Variants in NEDD9 observed in about 807,000 individuals in gnomAD.
The protein encoded by NEDD9 is enhancer of filamentation 1.
In NEDD9, 26 loss-of-function variants were observed where a neutral mutation model predicts 76.6. The ratio of observed to expected loss-of-function variants is 0.34; its 90% CI spans 0.25 to 0.47. The LOEUF is 0.47. NEDD9 is among the 20% of genes least tolerant of loss of function. The probability of loss-of-function intolerance (pLI) is 1.00; values close to 1 mark genes in which losing one functional copy is unlikely to be tolerated. For missense variants in NEDD9, 937 were observed against 1,058.5 expected (o/e 0.89, Z 1.59); for synonymous variants, 392 against 414.2 (o/e 0.95, Z 0.65).
At chr6:11,290,561 G>C (rs1459667131) in intron 3 of NEDD9, among the ~76,000 whole-genome samples, 2 of 152,168 alleles carry the variant, frequency 1.3e-5, no homozygotes, top group African/African-American at 4.8e-5. Context: ...CATTGCCCTG[G>C]AACTGCGGGT....
intron 3 of NEDD9, among the ~76,000 whole-genome samples, chr6:11,247,673 T>C (rs923857549): frequency 5.9e-5 from 9 of 152,186 alleles, no homozygotes; most frequent in Non-Finnish European, 1.2e-4. Flanking sequence ...ATAACTGACT[T>C]CATGCATTTT....
At chr6:11,262,112 TGACTTGCAAAG>T (rs1195517861) in intron 3 of NEDD9, among the ~76,000 whole-genome samples, 1 of 152,202 alleles carries the variant, frequency 6.6e-6, no homozygotes. Flanking sequence ...TGCCCGGACC[TGACTTGCAAAG>T]GGCTGTGGTT....
At chr6:11,229,316 C>T (rs1759397750) in intron 1 of NEDD9, among the ~76,000 whole-genome samples, 1 of 152,230 alleles carries the variant, frequency 6.6e-6, no homozygotes. Flanking sequence ...TTGGCAAAGC[C>T]ACAAAAGCGT....
intron 1 of NEDD9, among the ~76,000 whole-genome samples, chr6:11,343,662 C>A (rs969205653): frequency 6.6e-6 from 1 of 152,090 alleles, no homozygotes; most frequent in Non-Finnish European, 1.5e-5. Context: ...AATGCATGCT[C>A]AATAAATTTA....
upstream of NEDD9, chr6:11,233,160 C>T (rs1561800622): frequency 1.4e-5 from 7 of 501,300 alleles, no homozygotes; most frequent in South Asian, 1.0e-4. Flanking sequence ...TCTCTCTGTC[C>T]CTTTTTCTTT....
chr6:11,190,464 C>T lies in NEDD9; in HGVS notation c.1405G>A (p.Ala469Thr). The change falls in exon 5 of 7, where the codon GCT (alanine) becomes ACT (threonine). Residue 469 changes from alanine (A) to threonine (T), a missense_variant. Coordinates refer to ENST00000379446, the MANE Select transcript of NEDD9 (RefSeq NM_006403.4). This position sits in a 1 kb window ranked among gnomAD's most constrained non-coding sequence, Gnocchi z 5.8. ...LKEYLHFVKG[A>T]VANAACLPEL... ...GGGAGGCAGGCAGCATTTGCAACAG[C>T]TCCCTTGACAAAGTGGAGGTACTCC... is the stretch of plus-strand genomic sequence containing the variant. 6.2e-7 allele frequency: 1 copy of T among 1,614,190 alleles called. No individual in the cohort carries two copies. The highest frequency in any genetic ancestry group is 8.5e-7 in the Non-Finnish European group (1 of 1,180,032).
At chr6:11,328,120 C>T (rs1340521006) in intron 2 of NEDD9, among the ~76,000 whole-genome samples, 6 of 152,192 alleles carry the variant, frequency 3.9e-5, no homozygotes, top group African/African-American at 7.2e-5. Context: ...TGGCAATAAG[C>T]TTGCAATGTG....
intron 2 of NEDD9, among the ~76,000 whole-genome samples, chr6:11,327,505 C>T (rs182285485): frequency 1.3e-5 from 2 of 152,336 alleles, no homozygotes; most frequent in African/African-American, 4.8e-5. Flanking sequence ...GAGTCCCCTC[C>T]AGTATCTTCA....
chr6:11,286,019 G>A (rs1333897004), intron 3 of NEDD9, among the ~76,000 whole-genome samples: 2 of 152,116 alleles, frequency 1.3e-5, no homozygotes, highest in Non-Finnish European at 2.9e-5. Context: ...AAAAACACCT[G>A]CTCTTCTAAA....
chr6:11,305,128 T>C, intron 3 of NEDD9: 2 of 1,289,296 alleles, frequency 1.6e-6, no homozygotes, highest in Non-Finnish European at 2.0e-6. Context: ...GCCCAGAGCT[T>C]TTTTATTTGT....
At chr6:11,304,778 G>A (rs572907035) in intron 3 of NEDD9, among the ~76,000 whole-genome samples, 2 of 152,306 alleles carry the variant, frequency 1.3e-5, no homozygotes, top group African/African-American at 2.4e-5. Flanking sequence ...GACACAGGGT[G>A]GGGAACCTCA....
intron 2 of NEDD9, among the ~76,000 whole-genome samples, chr6:11,315,879 G>A (rs933115586): frequency 2.0e-5 from 3 of 152,182 alleles, no homozygotes; most frequent in African/African-American, 7.2e-5. Context: ...AAACAGCAAG[G>A]TATTCCAAAC....
intron 1 of NEDD9, among the ~76,000 whole-genome samples, chr6:11,336,720 GC>G (rs1461254035): frequency 1.3e-5 from 2 of 152,150 alleles, no homozygotes; most frequent in Non-Finnish European, 2.9e-5. Flanking sequence ...ATTACCCTTA[GC>G]TTACTATAAC....
intron 3 of NEDD9, among the ~76,000 whole-genome samples, chr6:11,303,712 G>A (rs1470263241): frequency 6.6e-6 from 1 of 152,152 alleles, no homozygotes; most frequent in African/African-American, 2.4e-5. Context: ...AATATTGAAA[G>A]GGTTCCCTAT....
chr6:11,200,204 C>T (rs1758408291), intron 2 of NEDD9: 3 of 428,414 alleles, frequency 7.0e-6, no homozygotes, highest in Non-Finnish European at 1.4e-5. Context: ...CCCCAAACCA[C>T]CCCCGACTTT....
chr6:11,235,301 C>T (rs1759576138), upstream of NEDD9, among the ~76,000 whole-genome samples: 1 of 151,884 alleles, frequency 6.6e-6, no homozygotes, highest in African/African-American at 2.4e-5. The surrounding 1 kb of genome is among the most constrained non-coding windows in gnomAD (Gnocchi z 4.1). Flanking sequence ...TATTAGACTA[C>T]TGTTGATAAG....
intron 3 of NEDD9, among the ~76,000 whole-genome samples, chr6:11,295,171 T>G (rs1214321262): frequency 6.6e-6 from 1 of 152,220 alleles, no homozygotes; most frequent in Non-Finnish European, 1.5e-5. Context: ...ACTAATACAA[T>G]TAGTGATATT....
At chr6:11,285,658 T>C (rs1362273185) in intron 3 of NEDD9, among the ~76,000 whole-genome samples, 1 of 152,206 alleles carries the variant, frequency 6.6e-6, no homozygotes, top group Non-Finnish European at 1.5e-5. Flanking sequence ...CAATGTGATA[T>C]TGGCTTAAAG....
chr6:11,239,766 C>A (rs962281539), intron 3 of NEDD9, among the ~76,000 whole-genome samples: 4 of 152,076 alleles, frequency 2.6e-5, no homozygotes, highest in Non-Finnish European at 5.9e-5. Context: ...AAATAATAGG[C>A]CAGGCACGGT....
Sources: allele counts gnomAD v4.1 joint callset (sites outside exome capture counted in the v4.1 genomes callset), GRCh38; gene constraint gnomAD v4.1.1; non-coding constraint Gnocchi (gnomAD v3.1); transcripts MANE v1.5; gene names NCBI Gene and HGNC (gene_info 2026-07-23, HGNC 2026-07-21).